CNTN6: variants seen among roughly 807,000 people sequenced by gnomAD.
CNTN6 encodes the protein contactin-6.
In CNTN6, 137 loss-of-function variants were observed where a neutral mutation model predicts 122.8. That is an observed-to-expected ratio of 1.12 (90% CI 0.97 to 1.29). The LOEUF (loss-of-function observed/expected upper bound fraction) is 1.29. Among genes scored for constraint, CNTN6 ranks in the 50% most tolerant of loss-of-function variants. The pLI is 0.00. For synonymous variants in CNTN6, 570 were observed against 426.0 expected (o/e 1.34, Z -4.16); for missense variants, 1,634 against 1,223.4 (o/e 1.34, Z -5.01).
At chr3:1,381,253 C>T (rs531837277) in intron 17 of CNTN6, among the ~76,000 whole-genome samples, 10 of 152,270 alleles carry the variant, frequency 6.6e-5, no homozygotes, top group African/African-American at 2.4e-4. Flanking sequence ...CTCTTCCATG[C>T]CATTCAAAAT....
intron 12 of CNTN6, among the ~76,000 whole-genome samples, chr3:1,359,946 T>G (rs1707208052): frequency 6.6e-6 from 1 of 152,060 alleles, no homozygotes. Context: ...CCCAAATCTA[T>G]CTCAATAGTC....
intron 12 of CNTN6, among the ~76,000 whole-genome samples, chr3:1,366,704 C>T (rs1002698272): frequency 6.6e-6 from 1 of 152,152 alleles, no homozygotes; most frequent in African/African-American, 2.4e-5. Context: ...GTAGAATGAA[C>T]TCTTTGAGAG....
chr3:1,304,375 G>A (rs1395945360), intron 7 of CNTN6, among the ~76,000 whole-genome samples: 1 of 152,006 alleles, frequency 6.6e-6, no homozygotes, highest in Non-Finnish European at 1.5e-5. Flanking sequence ...TAAATTAAGT[G>A]ACTTAACCAA....
rs969567719 is a variant in CNTN6, at chr3:1,127,777, T to G, written c.-82-20150T>G. 1.9e-4 allele frequency among the ~76,000 whole-genome samples: 29 copies of G among 151,928 alleles called. 1 individual carries two copies. The highest frequency in any genetic ancestry group is 7.4e-5 in the Non-Finnish European group (5 of 67,898). The stretch of plus-strand genomic sequence containing the variant: ...TAGCTGGAGGGTCTTTTCTATTTTT[T>G]TCCAAATTTTTCAGGCCTTTCATTC... On this transcript the variant is annotated intron_variant, in intron 1 of 22. Transcript: ENST00000446702.
chr3:1,317,787 G>T (rs1700296752), intron 7 of CNTN6, among the ~76,000 whole-genome samples: 1 of 151,000 alleles, frequency 6.6e-6, no homozygotes, highest in African/African-American at 2.4e-5. Context: ...CTTATGGCAA[G>T]ACCTGAATTA....
At chr3:1,356,951 C>T (rs562325049) in intron 12 of CNTN6, among the ~76,000 whole-genome samples, 22 of 151,898 alleles carry the variant, frequency 1.4e-4, no homozygotes, top group African/African-American at 3.6e-4. Flanking sequence ...AGCAAAAACA[C>T]GCATCAATTT....
At chr3:1,390,432 G>A (rs1312481681) in intron 20 of CNTN6, among the ~76,000 whole-genome samples, 1 of 151,338 alleles carries the variant, frequency 6.6e-6, no homozygotes, top group Admixed American at 6.6e-5. Flanking sequence ...GAAATTTATA[G>A]CACTAAATGC....
intron 7 of CNTN6, among the ~76,000 whole-genome samples, chr3:1,307,295 C>T (rs1698514941): frequency 6.6e-6 from 1 of 152,118 alleles, no homozygotes; most frequent in Admixed American, 6.5e-5. Flanking sequence ...ACTGTCATTT[C>T]TTTAGCAGAG....
chr3:1,212,080 A>C (rs2094046798), intron 2 of CNTN6, among the ~76,000 whole-genome samples: 1 of 152,172 alleles, frequency 6.6e-6, no homozygotes, highest in Admixed American at 6.6e-5. Flanking sequence ...CAGTCAGATC[A>C]TGGAATTAAC....
chr3:1,353,212 T>C (rs1705945000), intron 12 of CNTN6, among the ~76,000 whole-genome samples: 1 of 151,736 alleles, frequency 6.6e-6, no homozygotes, highest in African/African-American at 2.4e-5. Flanking sequence ...TCCTGGATGA[T>C]AAAAATGGCT....
chr3:1,181,963 C>A (rs1395977160), intron 2 of CNTN6, among the ~76,000 whole-genome samples: 1 of 152,126 alleles, frequency 6.6e-6, no homozygotes, highest in African/African-American at 2.4e-5. Context: ...CACTGCCAAA[C>A]CCCTATCCTC....
intron 2 of CNTN6, among the ~76,000 whole-genome samples, chr3:1,162,919 G>T (rs184480839): frequency 8.9e-4 from 135 of 152,200 alleles, no homozygotes; most frequent in African/African-American, 3.1e-3. Context: ...GAGAAATGTG[G>T]GAACAGAAAA....
chr3:1,350,264 A>G (rs1374757129), intron 11 of CNTN6, among the ~76,000 whole-genome samples: 2 of 151,788 alleles, frequency 1.3e-5, no homozygotes, highest in African/African-American at 2.4e-5. Context: ...GAGTAAACAC[A>G]TGGAATATCT....
chr3:1,381,486 A>G (rs1023801596), intron 17 of CNTN6, among the ~76,000 whole-genome samples: 1 of 152,092 alleles, frequency 6.6e-6, no homozygotes, highest in African/African-American at 2.4e-5. Context: ...AGGACAGGAA[A>G]AAAGTCTCAG....
chr3:1,183,811 G>C (rs1461051325), intron 2 of CNTN6, among the ~76,000 whole-genome samples: 1 of 152,104 alleles, frequency 6.6e-6, no homozygotes, highest in Non-Finnish European at 1.5e-5. Context: ...CAGCTCATCT[G>C]AGTTTTTGCT....
intron 5 of CNTN6, among the ~76,000 whole-genome samples, chr3:1,281,106 C>T (rs1017078792): frequency 6.6e-6 from 1 of 152,190 alleles, no homozygotes; most frequent in African/African-American, 2.4e-5. Flanking sequence ...CTTATCTAAT[C>T]ATGGATATGA....
At chr3:1,247,895 A>G (rs979346435) in intron 4 of CNTN6, among the ~76,000 whole-genome samples, 7 of 152,194 alleles carry the variant, frequency 4.6e-5, no homozygotes, top group African/African-American at 7.2e-5. Context: ...TGCTACCACT[A>G]TAGCCAATGT....
chr3:1,301,728 A>G (rs1697460309), intron 7 of CNTN6, among the ~76,000 whole-genome samples: 1 of 139,778 alleles, frequency 7.2e-6, no homozygotes, highest in Non-Finnish European at 1.5e-5. Flanking sequence ...CTGCTCGGTC[A>G]AAGCGGTAGC....
intron 11 of CNTN6, among the ~76,000 whole-genome samples, chr3:1,331,297 G>A (rs552395064): frequency 2.6e-5 from 4 of 151,930 alleles, no homozygotes; most frequent in Non-Finnish European, 5.9e-5. Context: ...TGTATGTCCT[G>A]TGCCTTGGCA....
Sources: gnomAD v4.1 joint callset for allele counts (sites outside exome capture counted in the v4.1 genomes callset) on GRCh38, gnomAD v4.1.1 for gene constraint, MANE v1.5 for transcripts, NCBI Gene and HGNC (gene_info 2026-07-23, HGNC 2026-07-21) for gene names.